Variants in APC observed in about 807,000 individuals in gnomAD.
The protein encoded by APC is adenomatous polyposis coli protein.
Under a neutral mutation model 247.0 loss-of-function variants are expected in APC, and 72 were observed. The ratio of observed to expected loss-of-function variants is 0.29; its 90% CI spans 0.24 to 0.35. The LOEUF (loss-of-function observed/expected upper bound fraction) is 0.35, where lower values mean the gene tolerates loss of function less well. Ranked by LOEUF, APC falls within the 10% of genes least tolerant of loss-of-function variation. The pLI is 1.00. For synonymous variants in APC, 1,254 were observed against 1,162.5 expected (o/e 1.08, Z -1.60); for missense variants, 3,400 against 3,360.7 (o/e 1.01, Z -0.29).
intron 1 of APC, among the ~76,000 whole-genome samples, chr5:112,746,325 TCTAGCTGA>T (rs1753674595): frequency 6.6e-6 from 1 of 152,172 alleles, no homozygotes. Context: ...TGATTTGAAT[TCTAGCTGA>T]CTTTCAAAGA....
rs369645686 is a variant in APC at position 112,767,160 on chromosome 5, G to C, written c.221-29G>C. 7.8e-4 allele frequency: 1,191 copies of C among 1,522,624 alleles called. 9 individuals are homozygous for C. The highest frequency in any genetic ancestry group is 5.5e-3 in the South Asian group (488 of 89,118). The allele number at this position is 1,522,624 out of a possible 1,614,324, so 94.3% of individuals were successfully genotyped here. ...TTTTAGACTGCTTAAAGCAATTGTT[G>C]TATAAAAACTTGTTTCTATTTTATT... On this transcript the variant is annotated intron_variant, in intron 3 of 15. Transcript: ENST00000257430.
intron 15 of APC, 49 bp downstream of exon 15, chr5:112,835,214 C>G: frequency 6.8e-7 from 1 of 1,462,760 alleles, no homozygotes; most frequent in Non-Finnish European, 9.4e-7. Context: ...TTCATACTCT[C>G]AAAAAGACCT....
chr5:112,747,775 T>G (rs1434797417), intron 1 of APC, among the ~76,000 whole-genome samples: 2 of 152,190 alleles, frequency 1.3e-5, no homozygotes, highest in Non-Finnish European at 2.9e-5. Flanking sequence ...TTCTAAGACT[T>G]CCTAGTTCTC....
intron 8 of APC, among the ~76,000 whole-genome samples, chr5:112,811,789 T>A (rs538522425): frequency 2.0e-5 from 3 of 152,310 alleles, no homozygotes; most frequent in African/African-American, 7.2e-5. Context: ...CCCCAAAACT[T>A]AACAGCATTA....
chr5:112,751,995 A>G (rs1413330519), intron 1 of APC, among the ~76,000 whole-genome samples: 2 of 152,054 alleles, frequency 1.3e-5, no homozygotes, highest in Admixed American at 1.3e-4. Context: ...TTTTTCCCAT[A>G]TCTATTATGT....
chr5:112,822,122 T>C (rs139591554), intron 11 of APC, 131 bp downstream of exon 11: 170 of 672,490 alleles, frequency 2.5e-4, no homozygotes, highest in Non-Finnish European at 4.0e-4. Context: ...CAACTTCTGT[T>C]ATCAGCTGCT....
In APC at chr5:112,792,465, A is replaced by G; in HGVS notation, c.665A>G (p.Gln222Arg). The change falls in exon 7 of 16, where the codon CAG becomes CGG. Residue 222 changes from glutamine to arginine, a missense_variant. By Grantham distance (43) the Gln-to-Arg change is conservative. Transcript: ENST00000257430. ...TTTTAGCGAAGAATAGCCAGAATTCAGCAAATCGAAAAGGACATACTTCGT... is the reference window on the plus strand; with the variant it reads ...TTTTAGCGAAGAATAGCCAGAATTCGGCAAATCGAAAAGGACATACTTCGT... ...KRAQRRIARI[Q>R]QIEKDILRIR... is the part of the protein sequence containing the mutation. 1.9e-6 allele frequency: 3 copies of G among 1,610,746 alleles called. No individual in the cohort carries two copies. Among genetic ancestry groups the G allele is most frequent in the Non-Finnish European group, 1.7e-6 (2 of 1,178,100 alleles).
chr5:112,784,515 C>T lies in APC; in HGVS notation c.645+3612C>T, dbSNP rs148163966. 3.5e-3 allele frequency among the ~76,000 whole-genome samples: 531 copies of T among 152,300 alleles called. 4 individuals are homozygous for T. The highest frequency in any genetic ancestry group is 0.012 in the African/African-American group (510 of 41,550). On this transcript the variant is annotated intron_variant, in intron 6 of 15. Transcript: ENST00000257430. ...AATATGTTGCGTACAGAAATACTTA[C>T]TTTAGGGCAGAATGTAGATACATAT...
intron 1 of APC, among the ~76,000 whole-genome samples, chr5:112,716,994 A>G (rs530801000): frequency 6.6e-6 from 1 of 151,920 alleles, no homozygotes; most frequent in East Asian, 1.9e-4. Flanking sequence ...TCATATAGTT[A>G]TTTTTGTTTG....
intron 15 of APC, among the ~76,000 whole-genome samples, chr5:112,836,174 C>T (rs894003600): frequency 7.8e-5 from 6 of 76,492 alleles, no homozygotes; most frequent in East Asian, 8.9e-4. Context: ...GTCCCCCCCC[C>T]CCCCCGCCAC....
In APC at chr5:112,840,035, G is replaced by T. The variant is rs587782349; in HGVS notation, c.4441G>T (p.Val1481Phe). ...AVNAAVQRVQ[V>F]LPDADTLLHF... Reference sequence around the variant, plus strand: ...AAATGCTGCAGTTCAGAGGGTCCAGGTTCTTCCAGATGCTGATACTTTATT... The same window carrying T: ...AAATGCTGCAGTTCAGAGGGTCCAGTTTCTTCCAGATGCTGATACTTTATT... Residue 1481 changes from valine to phenylalanine, a missense_variant, in exon 16 of 16, where the codon GTT (valine) becomes TTT (phenylalanine). Coordinates refer to ENST00000257430, the MANE Select transcript of APC (RefSeq NM_000038.6). This position sits in a 1 kb window ranked among gnomAD's most constrained non-coding sequence, Gnocchi z 4.1. 1.9e-6 allele frequency: 3 copies of T among 1,614,108 alleles called. No homozygotes were observed. The highest frequency in any genetic ancestry group is 2.5e-6 in the Non-Finnish European group (3 of 1,180,006).
chr5:112,713,769 C>T (rs1448056788), intron 1 of APC, among the ~76,000 whole-genome samples: 2 of 152,092 alleles, frequency 1.3e-5, no homozygotes, highest in African/African-American at 4.8e-5. Context: ...TTGGGTTCAG[C>T]GATTCTCCTG....
At chr5:112,804,873 T>C (rs79822557) in intron 8 of APC, among the ~76,000 whole-genome samples, 3 of 152,058 alleles carry the variant, frequency 2.0e-5, no homozygotes, top group Non-Finnish European at 4.4e-5. Flanking sequence ...TCCCAGCTAC[T>C]TGGGAGGCCG....
chr5:112,805,088 T>G (rs1451596398), intron 8 of APC, among the ~76,000 whole-genome samples: 1 of 152,110 alleles, frequency 6.6e-6, no homozygotes, highest in Non-Finnish European at 1.5e-5. Flanking sequence ...GAGAAATGTG[T>G]GGGAGAATGT....
chr5:112,785,825 T>A (rs941052107), intron 6 of APC, among the ~76,000 whole-genome samples: 2 of 152,252 alleles, frequency 1.3e-5, no homozygotes, highest in Admixed American at 6.5e-5. Context: ...TAAGAAAAGT[T>A]ATAGGTTGAT....
chr5:112,834,281 A>C (rs1446676314), intron 14 of APC, among the ~76,000 whole-genome samples: 1 of 128,670 alleles, frequency 7.8e-6, no homozygotes, highest in Non-Finnish European at 1.6e-5. Flanking sequence ...TCGCTCTGTC[A>C]GCCAGGCTAG....
At chr5:112,811,387 A>C (rs1204742022) in intron 8 of APC, among the ~76,000 whole-genome samples, 3 of 152,202 alleles carry the variant, frequency 2.0e-5, no homozygotes, top group African/African-American at 7.2e-5. Context: ...GGAAGTTATT[A>C]ATCATTTCTT....
At chr5:112,748,119 G>A (rs745652621) in intron 1 of APC, among the ~76,000 whole-genome samples, 2 of 152,084 alleles carry the variant, frequency 1.3e-5, no homozygotes, top group African/African-American at 2.4e-5. Context: ...GCTCCTGGTC[G>A]TTGGGATGGG....
At chr5:112,713,721 G>GCAGT (rs1750994533) in intron 1 of APC, among the ~76,000 whole-genome samples, 1 of 152,162 alleles carries the variant, frequency 6.6e-6, no homozygotes, top group Admixed American at 6.5e-5. Flanking sequence ...AGGCTGGAGT[G>GCAGT]CAGTGGCTTG....
Sources: allele counts gnomAD v4.1 joint callset (sites outside exome capture counted in the v4.1 genomes callset), GRCh38; gene constraint gnomAD v4.1.1; non-coding constraint Gnocchi (gnomAD v3.1); transcripts MANE v1.5; gene names NCBI Gene and HGNC (gene_info 2026-07-23, HGNC 2026-07-21).